The following CNTRL variants were observed in gnomAD, a reference collection of about 807,000 sequenced individuals.
CNTRL encodes the protein 110 kDa centrosomal protein.
CNTRL carries 233 observed loss-of-function variants against 303.7 expected under a neutral mutation model. The observed-to-expected ratio is 0.77, with a 90% CI of 0.69 to 0.86. The LOEUF (loss-of-function observed/expected upper bound fraction) is 0.86. Among genes scored for constraint, CNTRL ranks in the 40% least tolerant of loss-of-function variants. CNTRL has a pLI of 0.00. For synonymous variants in CNTRL, 900 were observed against 922.2 expected (o/e 0.98, Z 0.44); for missense variants, 2,524 against 2,650.6 (o/e 0.95, Z 1.05).
intron 26 of CNTRL, among the ~76,000 whole-genome samples, chr9:121,153,030 G>A (rs1184671356): frequency 6.6e-6 from 1 of 152,152 alleles, no homozygotes; most frequent in African/African-American, 2.4e-5. Flanking sequence ...AAATACAGCA[G>A]GGGTTCTCAA....
At chr9:121,113,770 A>T in intron 10 of CNTRL, 46 bp downstream of exon 10, 1 of 1,292,656 alleles carries the variant, frequency 7.7e-7, no homozygotes, top group Non-Finnish European at 1.0e-6. Flanking sequence ...ATATGAAAAC[A>T]TTGAATATGT....
chr9:121,175,102 A>C lies in CNTRL; in HGVS notation c.6832A>C (p.Arg2278=), dbSNP rs769385350. 5 of 1,613,964 alleles carry C rather than the reference A, an allele frequency of 3.1e-6. No homozygotes were observed. Among genetic ancestry groups the C allele is most frequent in the African/African-American group, 2.7e-5 (2 of 74,914 alleles). ...GACAGAGGGCACTTTACACAGTTTG[A>C]GGAGACAAGTAGATGCTTTAGGGGA... ...RQTEGTLHSL[R]RQVDALGELV... is the part of the protein sequence containing the mutation. The change falls in exon 43 of 44, where the codon AGG becomes CGG. Residue 2278 remains arginine (R), a synonymous_variant. Coordinates refer to ENST00000373855, the MANE Select transcript of CNTRL (RefSeq NM_007018.6).
rs1306400041 is a variant in CNTRL at position 121,168,255 on chromosome 9, C to T, written c.6004C>T (p.Arg2002Cys). Residue 2002 changes from arginine (R) to cysteine (C), a missense_variant, in exon 38 of 44, where the codon CGT becomes TGT. Coordinates refer to ENST00000373855, the MANE Select transcript of CNTRL (RefSeq NM_007018.6). ...VLSKVLAAEERVRTLQEEERW... is the reference protein window; with the variant it reads ...VLSKVLAAEECVRTLQEEERW... Reference sequence around the variant, plus strand: ...CTCAAAGGTGCTGGCAGCTGAAGAGCGTGTTAGGACTCTGCAGGAAGAGGA... The same window carrying T: ...CTCAAAGGTGCTGGCAGCTGAAGAGTGTGTTAGGACTCTGCAGGAAGAGGA... 1.9e-6 allele frequency: 3 copies of T among 1,614,076 alleles called. No individual in the cohort carries two copies. The South Asian group carries it at 3.3e-5, about 18-fold the overall frequency.
At chr9:121,146,573 G>T (rs543201843) in intron 23 of CNTRL, among the ~76,000 whole-genome samples, 2 of 152,298 alleles carry the variant, frequency 1.3e-5, no homozygotes, top group African/African-American at 4.8e-5. Context: ...CAGAAAAAAA[G>T]GCACCTGGAT....
At chr9:121,157,950 A>C (rs762758567) in intron 29 of CNTRL, 33 bp from the exon 30 acceptor site, 2 of 1,614,122 alleles carry the variant, frequency 1.2e-6, no homozygotes, top group Admixed American at 1.7e-5. Flanking sequence ...CGAGTCCCTT[A>C]GGATCTGCTC....
chr9:121,158,734 C>G (rs953347730), intron 30 of CNTRL, 121 bp from the exon 31 acceptor site: 7 of 969,642 alleles, frequency 7.2e-6, no homozygotes, highest in Non-Finnish European at 1.1e-5. Context: ...CCTGGCTTTT[C>G]TGACTCTTGG....
At chr9:121,166,300 T>C (rs2053088229) in intron 36 of CNTRL, 120 bp downstream of exon 36, 1 of 610,766 alleles carries the variant, frequency 1.6e-6, no homozygotes, top group Non-Finnish European at 2.9e-6. Flanking sequence ...CGTAGGGCCA[T>C]TTATGTAACA....
chr9:121,133,686 A>G (rs1036926066), intron 14 of CNTRL, among the ~76,000 whole-genome samples: 4 of 152,208 alleles, frequency 2.6e-5, no homozygotes, highest in African/African-American at 9.6e-5. Context: ...CCAATGAGAT[A>G]AACCAGGTAC....
chr9:121,135,398 C>T (rs1294837308), intron 14 of CNTRL, among the ~76,000 whole-genome samples: 3 of 152,134 alleles, frequency 2.0e-5, no homozygotes, highest in East Asian at 1.9e-4. Flanking sequence ...TCTGTAAAAC[C>T]GCAAGTTGCC....
At chr9:121,159,197 CTCTGTT>C (rs2131710446) in intron 31 of CNTRL, among the ~76,000 whole-genome samples, 178 bp downstream of exon 31, 1 of 152,246 alleles carries the variant, frequency 6.6e-6, no homozygotes, top group East Asian at 1.9e-4. Flanking sequence ...GTAGTTCCCC[CTCTGTT>C]GTTTTCTGGA....
chr9:121,102,522 A>G (rs1333025956), intron 7 of CNTRL, among the ~76,000 whole-genome samples: 1 of 152,192 alleles, frequency 6.6e-6, no homozygotes, highest in Non-Finnish European at 1.5e-5. Flanking sequence ...ACTCCTATTC[A>G]ACATAGTGTT....
rs368700201 is a variant in CNTRL at position 121,170,619 on chromosome 9, A to G, written c.6277-789A>G. On this transcript the variant is annotated intron_variant, in intron 39 of 43. Transcript: ENST00000373855. Reference sequence around the variant, plus strand: ...TACAGGCGTGTGCCACCATGCCTGGATAATTTTTGTATTTTTAGTAGAGAC... The same window carrying G: ...TACAGGCGTGTGCCACCATGCCTGGGTAATTTTTGTATTTTTAGTAGAGAC... 1.1e-3 allele frequency among the ~76,000 whole-genome samples: 172 copies of G among 151,930 alleles called. 1 individual carries two copies. The highest frequency in any genetic ancestry group is 2.7e-3 in the African/African-American group (113 of 41,448).
chr9:121,173,470 T>G lies in CNTRL; in HGVS notation c.6645T>G (p.Pro2215=), dbSNP rs201463317. The G allele has an allele frequency of 1.0e-4, 167 of 1,613,548 alleles. No homozygotes were observed. The highest frequency in any genetic ancestry group is 1.4e-4 in the Non-Finnish European group (163 of 1,179,934). The change falls in exon 41 of 44, where the codon CCT becomes CCG. Residue 2215 remains proline (P), a synonymous_variant. Coordinates refer to ENST00000373855, the MANE Select transcript of CNTRL (RefSeq NM_007018.6). ...TTCCATTTACCATGAATGAGGGACCTTTTGAAGAAAAACTGAACTTTTCCC... is the reference window on the plus strand; with the variant it reads ...TTCCATTTACCATGAATGAGGGACCGTTTGAAGAAAAACTGAACTTTTCCC... The part of the protein sequence containing the change: ...ENLPFTMNEG[P]FEEKLNFSQV...
In CNTRL at chr9:121,169,791, G is replaced by A. The variant is rs150113292; in HGVS notation, c.6251G>A (p.Arg2084Gln). The A allele has an allele frequency of 2.1e-5, 34 of 1,614,102 alleles. No individual in the cohort carries two copies. The highest frequency in any genetic ancestry group is 1.8e-4 in the South Asian group (16 of 91,078). The change falls in exon 39 of 44, where the codon CGG (arginine) becomes CAG (glutamine). Residue 2084 changes from arginine (R) to glutamine (Q), a missense_variant. Physicochemically the swap from Arg to Gln is conservative, Grantham distance 43. Coordinates refer to ENST00000373855, the MANE Select transcript of CNTRL (RefSeq NM_007018.6). ...CTGAAGGAAGCACTTAAGATCCAGC[G>A]GAGCCAGCTGGAGAAAAACCTTCTT... Reference protein sequence around the residue: ...ASLKEALKIQRSQLEKNLLEQ... With the variant: ...ASLKEALKIQQSQLEKNLLEQ...
chr9:121,158,064 G>T lies in CNTRL; in HGVS notation c.4719G>T (p.Val1573=), dbSNP rs2052670093. The change falls in exon 30 of 44, where the codon GTG becomes GTT. Residue 1573 remains valine (V), a synonymous_variant. Coordinates refer to ENST00000373855, the MANE Select transcript of CNTRL (RefSeq NM_007018.6). ...HHLQVLKESE[V]LLQAKRAELE... ...TGCAGGTCCTTAAAGAATCTGAGGT[G>T]CTTCTTCAGGCCAAAAGAGCCGAGC... The T allele has an allele frequency of 2.5e-6, 4 of 1,614,018 alleles. No homozygotes were observed. Among genetic ancestry groups the T allele is most frequent in the African/African-American group, 1.3e-5 (1 of 74,918 alleles).
At chr9:121,169,463 T>C (rs1045330261) in intron 38 of CNTRL, 148 bp from the exon 39 acceptor site, 7 of 748,110 alleles carry the variant, frequency 9.4e-6, no homozygotes, top group African/African-American at 5.3e-5. Context: ...TTGGTGTGGG[T>C]CAGGGTAGGC....
intron 25 of CNTRL, among the ~76,000 whole-genome samples, chr9:121,151,152 TA>T (rs1300110448): frequency 2.6e-5 from 4 of 152,184 alleles, no homozygotes; most frequent in Non-Finnish European, 5.9e-5. Context: ...ATTATTTTCA[TA>T]GTTTATATTT....
At position 121,168,301 on chromosome 9, in the gene CNTRL, A is replaced by G; in HGVS notation, c.6050A>G (p.Glu2017Gly). The G allele has an allele frequency of 6.2e-7, 1 of 1,614,080 alleles. No individual in the cohort carries two copies. Among genetic ancestry groups the G allele is most frequent in the Non-Finnish European group, 8.5e-7 (1 of 1,179,972 alleles). The change falls in exon 38 of 44, where the codon GAG becomes GGG. Residue 2017 changes from glutamate to glycine, a missense_variant. Coordinates refer to ENST00000373855, the MANE Select transcript of CNTRL (RefSeq NM_007018.6). ...QEEERWCESL[E>G]KTLSQTKRQL... ...GAGGAGAGGTGGTGTGAGAGCCTGG[A>G]GAAGACACTCTCCCAAACTAGTATG...
At chr9:121,084,570 A>T (rs1394160133) in intron 2 of CNTRL, among the ~76,000 whole-genome samples, 11 of 140,346 alleles carry the variant, frequency 7.8e-5, no homozygotes, top group African/African-American at 2.9e-4. Flanking sequence ...TGTGAGATGG[A>T]GTCTCGCTTT....
Sources: gnomAD v4.1 joint callset for allele counts (sites outside exome capture counted in the v4.1 genomes callset) on GRCh38, gnomAD v4.1.1 for gene constraint, MANE v1.5 for transcripts, NCBI Gene and HGNC (gene_info 2026-07-23, HGNC 2026-07-21) for gene names.